Variants in LUZP2 observed in about 807,000 individuals in gnomAD.
LUZP2 encodes the protein leucine zipper protein 2.
LUZP2 carries 52 observed loss-of-function variants against 51.6 expected under a neutral mutation model. The ratio of observed to expected loss-of-function variants is 1.01; its 90% CI spans 0.81 to 1.27. The LOEUF is 1.27. Ranked by LOEUF, LUZP2 falls within the 50% of genes most tolerant of loss-of-function variation. The pLI, the probability that LUZP2 is intolerant of heterozygous loss-of-function variation, is 0.00. For missense variants in LUZP2, 436 were observed against 395.4 expected (o/e 1.10, Z -0.87); for synonymous variants, 154 against 137.3 (o/e 1.12, Z -0.85).
intron 10 of LUZP2, among the ~76,000 whole-genome samples, chr11:25,053,176 A>T (rs1267222209): frequency 6.6e-6 from 1 of 152,100 alleles, no homozygotes; most frequent in African/African-American, 2.4e-5. Flanking sequence ...TGATCAAATG[A>T]AGATGTAGGT....
chr11:24,584,649 C>T (rs1450187002), intron 1 of LUZP2, among the ~76,000 whole-genome samples: 1 of 152,140 alleles, frequency 6.6e-6, no homozygotes, highest in Non-Finnish European at 1.5e-5. Context: ...TTACTGTGCT[C>T]TGGCATGTGT....
chr11:24,649,356 C>T (rs1261229620), intron 1 of LUZP2, among the ~76,000 whole-genome samples: 1 of 151,896 alleles, frequency 6.6e-6, no homozygotes, highest in Non-Finnish European at 1.5e-5. Context: ...TTATGCTGCT[C>T]CTTCAAACTT....
intron 1 of LUZP2, among the ~76,000 whole-genome samples, chr11:24,519,026 G>A (rs912230932): frequency 3.3e-5 from 5 of 152,276 alleles, no homozygotes; most frequent in African/African-American, 1.2e-4. Flanking sequence ...TTAGGTAGAC[G>A]TGTGGGTTTT....
At chr11:24,541,667 G>A (rs1360845731) in intron 1 of LUZP2, among the ~76,000 whole-genome samples, 1 of 152,026 alleles carries the variant, frequency 6.6e-6, no homozygotes, top group African/African-American at 2.4e-5. Context: ...CTATGCTTTG[G>A]ATGCAGGTTG....
intron 7 of LUZP2, among the ~76,000 whole-genome samples, chr11:24,965,274 G>A (rs897085908): frequency 2.0e-5 from 3 of 148,032 alleles, no homozygotes; most frequent in Non-Finnish European, 4.5e-5. Context: ...CATACTAGAT[G>A]TTTGATGAAA....
intron 5 of LUZP2, among the ~76,000 whole-genome samples, chr11:24,904,857 G>A (rs759184434): frequency 2.0e-5 from 3 of 152,094 alleles, no homozygotes; most frequent in Non-Finnish European, 2.9e-5. Flanking sequence ...AATATATGCT[G>A]CTTATAAGAA....
intron 7 of LUZP2, among the ~76,000 whole-genome samples, chr11:24,949,526 A>G (rs1855013596): frequency 6.6e-6 from 1 of 151,648 alleles, no homozygotes; most frequent in Admixed American, 6.6e-5. Flanking sequence ...TTCTTAGAAT[A>G]TATGGACTGT....
intron 6 of LUZP2, among the ~76,000 whole-genome samples, chr11:24,907,299 C>CAAAAAAAAAAAAAAAAAAAATAAA: frequency 9.6e-6 from 1 of 103,788 alleles, no homozygotes; most frequent in South Asian, 2.9e-4. Context: ...AACACAAATA[C>CAAAAAAAAAAAAAAAAAAAATAAA]AAAAAAAAAA....
In LUZP2 at chr11:24,699,682, TAC is replaced by T. The variant is rs1565084893; in HGVS notation, c.63-29483_63-29482del. 4.9e-5 allele frequency among the ~76,000 whole-genome samples: 5 copies of T among 101,960 alleles called. No homozygotes were observed. In the South Asian group the frequency reaches 1.2e-3, roughly 23 times the overall value. The allele number at this position is 101,960 out of a possible 152,430, so 66.9% of individuals were successfully genotyped here. The stretch of plus-strand genomic sequence containing the variant: ...ATATATATATACACACACACATATA[TAC>T]ACAGACACACACACACACGCACACA... On this transcript the variant is annotated intron_variant, in intron 1 of 11. Coordinates refer to ENST00000336930, the MANE Select transcript of LUZP2 (RefSeq NM_001009909.4).
At chr11:24,885,082 A>G (rs1852627404) in intron 5 of LUZP2, among the ~76,000 whole-genome samples, 1 of 152,088 alleles carries the variant, frequency 6.6e-6, no homozygotes, top group Non-Finnish European at 1.5e-5. Flanking sequence ...ACAGAGAGAC[A>G]TATCATCATG....
intron 1 of LUZP2, among the ~76,000 whole-genome samples, chr11:24,572,142 C>T (rs183872263): frequency 5.1e-4 from 78 of 151,992 alleles, no homozygotes; most frequent in Non-Finnish European, 9.9e-4. Flanking sequence ...GATGTCAGGC[C>T]ATCATGCTTA....
chr11:24,722,970 T>G (rs997921371), intron 1 of LUZP2, among the ~76,000 whole-genome samples: 2 of 151,554 alleles, frequency 1.3e-5, no homozygotes, highest in African/African-American at 2.4e-5. Context: ...AATAGGAAAT[T>G]ATTTTAATAC....
intron 1 of LUZP2, among the ~76,000 whole-genome samples, chr11:24,547,203 G>A (rs985131378): frequency 7.0e-5 from 7 of 100,270 alleles, no homozygotes; most frequent in African/African-American, 1.9e-4. Flanking sequence ...TACAGAATTA[G>A]AAAAAAAAAA....
chr11:24,534,477 G>A (rs903475373), intron 1 of LUZP2, among the ~76,000 whole-genome samples: 1 of 150,140 alleles, frequency 6.7e-6, no homozygotes, highest in Admixed American at 6.7e-5. Flanking sequence ...TATTTTGTAG[G>A]TATGTAAATA....
chr11:24,563,411 T>C (rs34167424), intron 1 of LUZP2, among the ~76,000 whole-genome samples: 63,513 of 152,064 alleles, frequency 0.42, 13,795 homozygotes, highest in African/African-American at 0.51. Flanking sequence ...GGTTTTTAAA[T>C]TGAAAATTTA....
chr11:24,736,181 G>A (rs1189695028), intron 3 of LUZP2, among the ~76,000 whole-genome samples: 1 of 151,482 alleles, frequency 6.6e-6, no homozygotes, highest in African/African-American at 2.4e-5. Context: ...GAAATATATA[G>A]ATAGATACCT....
Position 24,713,170 on chromosome 11 carries a change from C to T in LUZP2, c.63-15999C>T, listed in dbSNP as rs1406409053. On this transcript the variant is annotated intron_variant, in intron 1 of 11. Coordinates refer to ENST00000336930, the MANE Select transcript of LUZP2 (RefSeq NM_001009909.4). ...TTGGCTCTGATACAAAGAAATGTGT[C>T]TGAACAAGAGTGACTTCAGATAGCA... Among the ~76,000 whole-genome samples, 5 of 152,152 alleles carry T rather than the reference C, an allele frequency of 3.3e-5. No homozygotes were observed. In the East Asian group the frequency reaches 7.7e-4, roughly 24 times the overall value.
chr11:24,748,268 C>T (rs1490433925), intron 4 of LUZP2, among the ~76,000 whole-genome samples: 2 of 152,080 alleles, frequency 1.3e-5, no homozygotes, highest in Non-Finnish European at 2.9e-5. Context: ...TCTAAATTGA[C>T]TCAGCTCCAG....
chr11:24,553,823 A>G (rs1851788648), intron 1 of LUZP2, among the ~76,000 whole-genome samples: 1 of 152,134 alleles, frequency 6.6e-6, no homozygotes. Flanking sequence ...CATGCTTTAC[A>G]TGGGCAGGAA....
Sources: gnomAD v4.1 joint callset for allele counts (sites outside exome capture counted in the v4.1 genomes callset) on GRCh38, gnomAD v4.1.1 for gene constraint, MANE v1.5 for transcripts, NCBI Gene and HGNC (gene_info 2026-07-23, HGNC 2026-07-21) for gene names.